The following XKR6 variants were observed in gnomAD, a reference collection of about 807,000 sequenced individuals.
The protein encoded by XKR6 is XK-related protein 6.
In XKR6, 22 loss-of-function variants were observed where a neutral mutation model predicts 56.7. That is an observed-to-expected ratio of 0.39 (90% CI 0.28 to 0.55). XKR6 has a LOEUF of 0.55. XKR6 is among the 20% of genes least tolerant of loss of function. The pLI is 0.66. For missense variants in XKR6, 852 were observed against 889.0 expected (o/e 0.96, Z 0.53); for synonymous variants, 524 against 387.8 (o/e 1.35, Z -4.13).
intron 1 of XKR6, among the ~76,000 whole-genome samples, chr8:11,186,394 G>A (rs1384920842): frequency 1.3e-5 from 2 of 152,170 alleles, no homozygotes; most frequent in African/African-American, 4.8e-5. Flanking sequence ...AGGGCTTTGA[G>A]AGACAGAGAG....
chr8:10,902,196 G>T (rs919509654), intron 2 of XKR6, among the ~76,000 whole-genome samples: 2 of 152,218 alleles, frequency 1.3e-5, no homozygotes, highest in African/African-American at 4.8e-5. Flanking sequence ...TACAAGGAGG[G>T]CTTGGGAAAT....
rs745616432 is a variant in XKR6, at chr8:10,911,199, CGTGTGTGT to C, written c.962-12291_962-12284del. On this transcript the variant is annotated intron_variant, in intron 2 of 2. Coordinates refer to ENST00000416569, the MANE Select transcript of XKR6 (RefSeq NM_173683.4). ...TATATACATATAGAGAGAGGGTGTG[CGTGTGTGT>C]GTGTGTGTGTGTGTGTGTGTGTGTG... is the stretch of plus-strand genomic sequence containing the variant. Among the ~76,000 whole-genome samples, 851 of 126,334 alleles carry C rather than the reference CGTGTGTGT, an allele frequency of 6.7e-3. 2 individuals carry two copies. The highest frequency in any genetic ancestry group is 0.022 in the Middle Eastern group (5 of 230). The allele number at this position is 126,334 out of a possible 152,430, so 82.9% of individuals were successfully genotyped here.
intron 1 of XKR6, among the ~76,000 whole-genome samples, chr8:11,164,623 C>A (rs1014947592): frequency 6.6e-6 from 1 of 152,182 alleles, no homozygotes; most frequent in South Asian, 2.1e-4. Flanking sequence ...AATCAATAAA[C>A]AAACACACGC....
At chr8:10,931,994 C>T (rs1425234154) in intron 1 of XKR6, among the ~76,000 whole-genome samples, 2 of 151,958 alleles carry the variant, frequency 1.3e-5, no homozygotes. Flanking sequence ...TTAAAGCTCA[C>T]TAGAAAAAAA....
At chr8:10,931,141 T>C (rs575005133) in intron 1 of XKR6, among the ~76,000 whole-genome samples, 60 of 152,302 alleles carry the variant, frequency 3.9e-4, no homozygotes, top group African/African-American at 1.3e-3. Context: ...AAATGATTAA[T>C]GAATAATTGA....
intron 1 of XKR6, among the ~76,000 whole-genome samples, chr8:11,193,017 G>C (rs2117136432): frequency 6.6e-6 from 1 of 152,312 alleles, no homozygotes; most frequent in South Asian, 2.1e-4. Flanking sequence ...AGAAAAGGAA[G>C]CATCATGGTG....
At chr8:11,037,925 G>T (rs1471724553) in intron 1 of XKR6, among the ~76,000 whole-genome samples, 1 of 151,942 alleles carries the variant, frequency 6.6e-6, no homozygotes, top group African/African-American at 2.4e-5. Context: ...TACTCGGGAG[G>T]CTGAGGCAGG....
chr8:11,047,840 C>A (rs1162097532), intron 1 of XKR6, among the ~76,000 whole-genome samples: 1 of 152,206 alleles, frequency 6.6e-6, no homozygotes, highest in African/African-American at 2.4e-5. Flanking sequence ...ATTACTGAAT[C>A]TCACTACATG....
At chr8:10,908,194 G>T (rs1057409072) in intron 2 of XKR6, among the ~76,000 whole-genome samples, 1 of 152,198 alleles carries the variant, frequency 6.6e-6, no homozygotes, top group Admixed American at 6.5e-5. Flanking sequence ...GGAAGAGGCT[G>T]CTCCACAGGG....
At chr8:10,990,255 A>C (rs1334113929) in intron 1 of XKR6, among the ~76,000 whole-genome samples, 1 of 152,238 alleles carries the variant, frequency 6.6e-6, no homozygotes, top group Non-Finnish European at 1.5e-5. Context: ...AGGAGCTCTT[A>C]GAGAAGGAGG....
intron 1 of XKR6, among the ~76,000 whole-genome samples, chr8:11,177,069 A>T (rs1802696068): frequency 6.6e-6 from 1 of 152,176 alleles, no homozygotes; most frequent in African/African-American, 2.4e-5. Flanking sequence ...AGGATCTGAG[A>T]ACTTGTTCCA....
intron 2 of XKR6, among the ~76,000 whole-genome samples, chr8:10,904,542 G>A (rs879402708): frequency 7.9e-5 from 12 of 152,174 alleles, no homozygotes; most frequent in Admixed American, 2.0e-4. Flanking sequence ...GTGACAGGGC[G>A]TCTTGCAAAG....
chr8:11,130,092 C>T (rs1169949600), intron 1 of XKR6, among the ~76,000 whole-genome samples: 1 of 152,132 alleles, frequency 6.6e-6, no homozygotes, highest in Admixed American at 6.6e-5. Context: ...AAAACACACA[C>T]TTCTGAAAAG....
At chr8:10,907,494 T>G (rs1179633273) in intron 2 of XKR6, among the ~76,000 whole-genome samples, 1 of 152,210 alleles carries the variant, frequency 6.6e-6, no homozygotes, top group Non-Finnish European at 1.5e-5. Flanking sequence ...AACTCAATTA[T>G]TCTTCCTTAC....
At chr8:11,171,875 A>G (rs1802389801) in intron 1 of XKR6, among the ~76,000 whole-genome samples, 2 of 151,916 alleles carry the variant, frequency 1.3e-5, no homozygotes, top group South Asian at 4.2e-4. Flanking sequence ...AAACATGGTG[A>G]AACCCCATCT....
rs541786008 is a variant in XKR6 at position 10,921,415 on chromosome 8, G to A, written c.961+3219C>T. ...CATGGCGGGTGGTACCATGAGGATG[G>A]GGAGGTGACCGTCAGAGCCCTATAA... is the stretch of plus-strand genomic sequence containing the variant. On this transcript the variant is annotated intron_variant, in intron 2 of 2. Transcript: ENST00000416569. Among the ~76,000 whole-genome samples the A allele has an allele frequency of 3.9e-5, 6 of 152,304 alleles. No individual in the cohort carries two copies. In the South Asian group the frequency reaches 1.2e-3, roughly 32 times the overall value.
chr8:10,981,415 G>A (rs983510404), intron 1 of XKR6, among the ~76,000 whole-genome samples: 11 of 152,200 alleles, frequency 7.2e-5, no homozygotes, highest in African/African-American at 2.7e-4. Context: ...CAGTCAACAA[G>A]GCTTGGTGAT....
intron 1 of XKR6, among the ~76,000 whole-genome samples, chr8:11,089,192 G>A (rs539531049): frequency 9.9e-5 from 15 of 152,280 alleles, no homozygotes; most frequent in South Asian, 2.1e-4. Context: ...GCCCACCAGC[G>A]TGTTCAGACC....
At chr8:11,095,621 G>A (rs554078933) in intron 1 of XKR6, among the ~76,000 whole-genome samples, 11 of 152,320 alleles carry the variant, frequency 7.2e-5, no homozygotes, top group African/African-American at 2.6e-4. Flanking sequence ...CACCCGCCAT[G>A]CCAATAAATC....
Sources: allele counts gnomAD v4.1 joint callset (sites outside exome capture counted in the v4.1 genomes callset), GRCh38; gene constraint gnomAD v4.1.1; transcripts MANE v1.5; gene names NCBI Gene and HGNC (gene_info 2026-07-23, HGNC 2026-07-21).